The following MILR1 variants were observed in gnomAD, a reference collection of about 807,000 sequenced individuals.
MILR1 encodes mast cell immunoglobulin like receptor 1.
A neutral mutation model predicts 18.5 loss-of-function variants in MILR1; 31 were observed. The observed-to-expected ratio is 1.68, with a 90% CI of 1.26 to 2.26. MILR1 has a LOEUF of 2.26. Ranked by LOEUF, MILR1 falls within the 30% of genes most tolerant of loss-of-function variation. The pLI, the probability that MILR1 is intolerant of heterozygous loss-of-function variation, is 0.00. For missense variants in MILR1, 257 were observed against 157.4 expected (o/e 1.63, Z -3.38); for synonymous variants, 85 against 56.2 (o/e 1.51, Z -2.30).
At chr17:64,478,954 CAT>C in the MILR1 span, among the ~76,000 whole-genome samples, 11 of 152,134 alleles carry the variant, frequency 7.2e-5, no homozygotes, top group East Asian at 2.1e-3. Flanking sequence ...GTGAATAAAA[CAT>C]AGTACGTGTT....
At chr17:64,450,706 AC>A (rs1204531304) in intron 2 of MILR1, among the ~76,000 whole-genome samples, 3 of 146,724 alleles carry the variant, frequency 2.0e-5, no homozygotes, top group African/African-American at 7.6e-5. Flanking sequence ...CTGTTCTTGA[AC>A]TCTTGACCTC....
At chr17:64,484,070 G>C in the MILR1 span, 1 of 152,172 alleles carries the variant, frequency 6.6e-6, no homozygotes, top group Non-Finnish European at 1.5e-5. Flanking sequence ...CTGATACCAG[G>C]AACAGTTCCA....
the MILR1 span, chr17:64,491,007 A>G: frequency 7.0e-7 from 1 of 1,426,524 alleles, no homozygotes; most frequent in South Asian, 1.1e-5. Flanking sequence ...AACATATTTA[A>G]ATAAACACTA....
Position 64,457,424 on chromosome 17 carries a change from A to G in MILR1, c.392A>G (p.Asn131Ser), listed in dbSNP as rs2037324994. Reference sequence around the variant, plus strand: ...GACCCGGTGACTTCCCCAGTGCTGAACATTATGGTCATTCAAACAGAAACA... The same window carrying G: ...GACCCGGTGACTTCCCCAGTGCTGAGCATTATGGTCATTCAAACAGAAACA... Reference protein sequence around the residue: ...IVDPVTSPVLNIMVIQTETDR... With the variant: ...IVDPVTSPVLSIMVIQTETDR... Residue 131 changes from asparagine to serine, a missense_variant, in exon 4 of 10, where the codon AAC (asparagine) becomes AGC (serine). Asn to Ser is a conservative substitution (Grantham distance 46). Transcript: ENST00000619286. The G allele has an allele frequency of 4.2e-6, 2 of 475,292 alleles. No individual in the cohort carries two copies. Among genetic ancestry groups the G allele is most frequent in the Non-Finnish European group, 7.7e-6 (2 of 259,070 alleles). The allele number at this position is 475,292 out of a possible 1,614,324, so 29.4% of individuals were successfully genotyped here. A position where few individuals can be genotyped will look rare whatever the true frequency, so the allele number is the denominator to read the frequency against.
the MILR1 span, chr17:64,483,111 C>T: frequency 1.6e-6 from 1 of 611,086 alleles, no homozygotes; most frequent in Non-Finnish European, 3.0e-6. Flanking sequence ...AGTTTCTTAA[C>T]AGTTATAATT....
At chr17:64,456,820 G>T (rs2144030054) in intron 3 of MILR1, among the ~76,000 whole-genome samples, 1 of 152,002 alleles carries the variant, frequency 6.6e-6, no homozygotes, top group Non-Finnish European at 1.5e-5. Flanking sequence ...TAAATACATT[G>T]AAAAGAAAAT....
the MILR1 span, among the ~76,000 whole-genome samples, chr17:64,481,947 A>T: frequency 7.2e-6 from 1 of 138,558 alleles, no homozygotes. Context: ...ATGTGTACAA[A>T]TATTTTAATT....
chr17:64,466,952 T>TCTCC (rs1311354548), intron 8 of MILR1, among the ~76,000 whole-genome samples: 1 of 151,812 alleles, frequency 6.6e-6, no homozygotes, highest in African/African-American at 2.4e-5. Context: ...TCCTTCCCTC[T>TCTCC]CTCCCTCCCT....
the MILR1 span, among the ~76,000 whole-genome samples, chr17:64,494,640 T>C: frequency 5.3e-5 from 8 of 152,306 alleles, no homozygotes; most frequent in East Asian, 1.5e-3. Context: ...GACTCTTAGA[T>C]TTTAGTCAAT....
At chr17:64,456,587 A>T (rs1364388106) in intron 3 of MILR1, among the ~76,000 whole-genome samples, 1 of 152,052 alleles carries the variant, frequency 6.6e-6, no homozygotes, top group African/African-American at 2.4e-5. Flanking sequence ...GAGGTGGGAA[A>T]ATCACTTGAA....
downstream of MILR1, among the ~76,000 whole-genome samples, chr17:64,469,154 A>C (rs1454545139): frequency 3.9e-5 from 6 of 152,032 alleles, no homozygotes; most frequent in African/African-American, 1.2e-4. Context: ...GAAAGAGAGA[A>C]AAGAAGAGAA....
At chr17:64,474,183 T>C in the MILR1 span, among the ~76,000 whole-genome samples, 1 of 151,942 alleles carries the variant, frequency 6.6e-6, no homozygotes, top group East Asian at 1.9e-4. Context: ...CAAGCAATTC[T>C]CCTGCTTCAA....
downstream of MILR1, among the ~76,000 whole-genome samples, chr17:64,472,990 CAT>C (rs1431428129): frequency 3.9e-5 from 6 of 152,294 alleles, no homozygotes; most frequent in South Asian, 4.1e-4. Context: ...GAGCTGCAAA[CAT>C]GTGTGGTCGA....
chr17:64,455,663 T>C (rs1438442260), intron 3 of MILR1, among the ~76,000 whole-genome samples: 1 of 143,198 alleles, frequency 7.0e-6, no homozygotes, highest in Admixed American at 7.0e-5. Flanking sequence ...GGTTTCACCA[T>C]GTTAGCCAGG....
the MILR1 span, chr17:64,497,107 C>G: frequency 1.2e-6 from 1 of 864,186 alleles, no homozygotes; most frequent in Non-Finnish European, 1.9e-6. Flanking sequence ...AGGCCCCACC[C>G]CGGAAGCGCA....
chr17:64,491,990 A>T, the MILR1 span, among the ~76,000 whole-genome samples: 6 of 152,260 alleles, frequency 3.9e-5, no homozygotes, highest in East Asian at 1.2e-3. Flanking sequence ...TAAAAAGTGA[A>T]AATACTGAGT....
chr17:64,482,360 C>CGTT, the MILR1 span, among the ~76,000 whole-genome samples: 1 of 146,336 alleles, frequency 6.8e-6, no homozygotes, highest in Non-Finnish European at 1.5e-5. Flanking sequence ...GAGTCTCTGT[C>CGTT]GCCCAGGCTG....
downstream of MILR1, among the ~76,000 whole-genome samples, chr17:64,469,461 G>A (rs549291928): frequency 1.8e-4 from 27 of 152,286 alleles, no homozygotes; most frequent in Admixed American, 1.1e-3. Context: ...GCCATGGTAC[G>A]ACCTTGGCTC....
At chr17:64,480,351 C>T in the MILR1 span, 1 of 1,598,328 alleles carries the variant, frequency 6.3e-7, no homozygotes, top group Non-Finnish European at 8.6e-7. Flanking sequence ...ACACAGAAAT[C>T]CCATTTTCTA....
Sources: allele counts gnomAD v4.1 joint callset (sites outside exome capture counted in the v4.1 genomes callset), GRCh38; gene constraint gnomAD v4.1.1; transcripts MANE v1.5; gene names NCBI Gene and HGNC (gene_info 2026-07-23, HGNC 2026-07-21).